The following FCHO2 variants were observed in gnomAD, a reference collection of about 807,000 sequenced individuals.
FCHO2 encodes the protein F-BAR domain only protein 2.
In FCHO2, 43 loss-of-function variants were observed where a neutral mutation model predicts 114.1. The ratio of observed to expected loss-of-function variants is 0.38; its 90% CI spans 0.30 to 0.49. The LOEUF is 0.49. Among genes scored for constraint, FCHO2 ranks in the 20% least tolerant of loss-of-function variants. The pLI is 0.97. For synonymous variants in FCHO2, 293 were observed against 315.2 expected, an observed-to-expected ratio of 0.93 and a Z score of 0.75; for missense variants, 807 against 950.4, an observed-to-expected ratio of 0.85 and a Z score of 1.98.
At chr5:73,074,874 C>A (rs2112885995) in intron 20 of FCHO2, 21 bp downstream of exon 20, 2 of 1,583,924 alleles carry the variant, frequency 1.3e-6, no homozygotes, top group East Asian at 4.5e-5. Flanking sequence ...AAAATATATG[C>A]ATGTATGTGT....
intron 5 of FCHO2, chr5:72,997,019 G>A: frequency 6.7e-7 from 1 of 1,503,072 alleles, no homozygotes; most frequent in Non-Finnish European, 9.2e-7. Context: ...GATCTGCATG[G>A]TAATTCAGCA....
chr5:73,003,636 T>C (rs1416523016), intron 5 of FCHO2, among the ~76,000 whole-genome samples: 1 of 152,164 alleles, frequency 6.6e-6, no homozygotes, highest in Non-Finnish European at 1.5e-5. Context: ...TAAGCAATAA[T>C]TTAGTGAGCA....
At chr5:73,042,000 C>T (rs969247541) in intron 11 of FCHO2, among the ~76,000 whole-genome samples, 6 of 151,988 alleles carry the variant, frequency 3.9e-5, no homozygotes, top group Non-Finnish European at 5.9e-5. Flanking sequence ...TTCTTACCTG[C>T]GTAACTATTG....
intron 5 of FCHO2, among the ~76,000 whole-genome samples, chr5:73,000,808 A>C (rs1202961418): frequency 6.6e-6 from 1 of 151,312 alleles, no homozygotes; most frequent in East Asian, 2.0e-4. Flanking sequence ...ACAAGGTCTC[A>C]TGTTGCACAG....
intron 18 of FCHO2, among the ~76,000 whole-genome samples, chr5:73,066,348 GA>G (rs1742325378): frequency 6.6e-6 from 1 of 151,876 alleles, no homozygotes; most frequent in Non-Finnish European, 1.5e-5. Context: ...AATGTTTTCA[GA>G]AATTTATTTG....
chr5:72,978,265 G>A (rs1252802343), intron 2 of FCHO2, among the ~76,000 whole-genome samples: 1 of 152,148 alleles, frequency 6.6e-6, no homozygotes, highest in Non-Finnish European at 1.5e-5. Context: ...CCATTTGTTT[G>A]TGTCCTCTAT....
At chr5:73,087,327 A>G (rs768969668) in intron 24 of FCHO2, among the ~76,000 whole-genome samples, 7 of 152,158 alleles carry the variant, frequency 4.6e-5, no homozygotes, top group African/African-American at 7.2e-5. Context: ...ACTCGCCTCA[A>G]CATGCATATA....
chr5:73,045,098 A>G (rs921269554), intron 11 of FCHO2, among the ~76,000 whole-genome samples: 6 of 152,214 alleles, frequency 3.9e-5, no homozygotes, highest in Non-Finnish European at 7.3e-5. Context: ...GGTGTATGTA[A>G]CAGTACTGTG....
intron 8 of FCHO2, among the ~76,000 whole-genome samples, chr5:73,034,169 A>T (rs548047635): frequency 6.6e-6 from 1 of 152,282 alleles, no homozygotes; most frequent in East Asian, 1.9e-4. Context: ...CCAACTTATT[A>T]TTTACCTGGC....
At chr5:72,998,716 A>G (rs1754265496) in intron 5 of FCHO2, among the ~76,000 whole-genome samples, 1 of 149,390 alleles carries the variant, frequency 6.7e-6, no homozygotes, top group Non-Finnish European at 1.5e-5. Flanking sequence ...TGCCGTGACC[A>G]CTCAAAAAAT....
chr5:73,007,384 A>G (rs1217341644), intron 6 of FCHO2, among the ~76,000 whole-genome samples: 1 of 152,050 alleles, frequency 6.6e-6, no homozygotes, highest in African/African-American at 2.4e-5. Context: ...GAGTTCTTTT[A>G]CCTATATTTT....
intron 5 of FCHO2, among the ~76,000 whole-genome samples, chr5:72,995,658 G>A (rs116046881): frequency 6.6e-6 from 1 of 152,106 alleles, no homozygotes; most frequent in Non-Finnish European, 1.5e-5. Flanking sequence ...TTGCTTGTGG[G>A]GAGTCTGCCG....
chr5:73,003,271 C>G (rs994112202), intron 5 of FCHO2, among the ~76,000 whole-genome samples: 1 of 152,100 alleles, frequency 6.6e-6, no homozygotes, highest in African/African-American at 2.4e-5. Context: ...CCTCTGCCTC[C>G]CTAAGAGCTG....
At chr5:73,069,195 C>A (rs975954927) in intron 19 of FCHO2, among the ~76,000 whole-genome samples, 1 of 152,034 alleles carries the variant, frequency 6.6e-6, no homozygotes, top group African/African-American at 2.4e-5. Flanking sequence ...ACAAGAATTT[C>A]AAGACTTAAA....
At chr5:72,998,511 C>G (rs921858423) in intron 5 of FCHO2, among the ~76,000 whole-genome samples, 1 of 151,748 alleles carries the variant, frequency 6.6e-6, no homozygotes, top group Non-Finnish European at 1.5e-5. Context: ...AAATGTAAGT[C>G]ACAGGAGCAG....
At chr5:72,983,377 T>A (rs552399177) in intron 2 of FCHO2, among the ~76,000 whole-genome samples, 5 of 152,010 alleles carry the variant, frequency 3.3e-5, no homozygotes, top group South Asian at 2.1e-4. Flanking sequence ...TTTATTTTTT[T>A]ATTTTTATTT....
At chr5:73,030,926 A>G (rs1329267347) in intron 8 of FCHO2, among the ~76,000 whole-genome samples, 3 of 152,244 alleles carry the variant, frequency 2.0e-5, no homozygotes, top group Non-Finnish European at 1.5e-5. Flanking sequence ...ATGGTTTAGC[A>G]AAAGAAAAAA....
In FCHO2 at chr5:73,063,849, A is replaced by G. The variant is rs1757950344; in HGVS notation, c.1354A>G (p.Thr452Ala). 1.2e-6 allele frequency: 2 copies of G among 1,611,484 alleles called. No individual in the cohort carries two copies. Among genetic ancestry groups the G allele is most frequent in the Admixed American group, 3.3e-5 (2 of 59,720 alleles). Residue 452 changes from threonine to alanine, a missense_variant, in exon 18 of 26, where the codon ACA (threonine) becomes GCA (alanine). Thr to Ala is a moderately conservative substitution (Grantham distance 58). Coordinates refer to ENST00000430046, the MANE Select transcript of FCHO2 (RefSeq NM_138782.3). ...SLTSSSSARP[T>A]TPLSVGTIVP... The stretch of plus-strand genomic sequence containing the variant: ...TTTTCCCCCTCAACCAGCCAGGCCC[A>G]CAACTCCTCTTTCTGTAGGCACCAT...
chr5:72,992,030 G>A (rs1753839825), intron 5 of FCHO2, among the ~76,000 whole-genome samples: 2 of 152,118 alleles, frequency 1.3e-5, no homozygotes, highest in African/African-American at 4.8e-5. Flanking sequence ...TTGTGATAAT[G>A]TAATTAATCC....
Sources: allele counts gnomAD v4.1 joint callset (sites outside exome capture counted in the v4.1 genomes callset), GRCh38; gene constraint gnomAD v4.1.1; transcripts MANE v1.5; gene names NCBI Gene and HGNC (gene_info 2026-07-23, HGNC 2026-07-21).